The following ZNF292 variants were observed in gnomAD, a reference collection of about 807,000 sequenced individuals.
The protein encoded by ZNF292 is zinc finger protein 292, also known as 16 zinc-finger domain protein.
In ZNF292, 26 loss-of-function variants were observed where a neutral mutation model predicts 217.9. That is an observed-to-expected ratio of 0.12 (90% CI 0.09 to 0.17). The LOEUF is 0.17. Among genes scored for constraint, ZNF292 ranks in the 10% least tolerant of loss-of-function variants. The pLI is 1.00. For missense variants in ZNF292, 2,904 were observed against 3,175.2 expected (o/e 0.91, Z 2.05); for synonymous variants, 1,257 against 1,124.1 (o/e 1.12, Z -2.37).
intron 1 of ZNF292, among the ~76,000 whole-genome samples, chr6:87,161,827 T>G (rs1300988570): frequency 6.6e-6 from 1 of 152,244 alleles, no homozygotes; most frequent in Non-Finnish European, 1.5e-5. Flanking sequence ...AAACTTGATC[T>G]TTTTCCCATT....
intron 1 of ZNF292, chr6:87,173,899 T>G (rs1359189917): frequency 5.9e-6 from 1 of 170,736 alleles, no homozygotes; most frequent in Non-Finnish European, 1.3e-5. Context: ...TAAAATATTT[T>G]TGTACAAAAT....
intron 5 of ZNF292, among the ~76,000 whole-genome samples, chr6:87,239,637 C>T (rs377669675): frequency 1.5e-5 from 2 of 135,092 alleles, no homozygotes; most frequent in Non-Finnish European, 3.1e-5. Context: ...TCAGACGGGG[C>T]GGCTGCCGGG....
intron 1 of ZNF292, among the ~76,000 whole-genome samples, chr6:87,156,679 A>G (rs148583683): frequency 2.4e-4 from 36 of 152,334 alleles, no homozygotes; most frequent in African/African-American, 7.5e-4. Context: ...GGTAGTTTCA[A>G]ATCTTTTCTT....
In ZNF292 at chr6:87,245,621, C is replaced by A; in HGVS notation, c.997C>A (p.Leu333Met). 6.6e-7 allele frequency: 1 copy of A among 1,516,624 alleles called. No homozygotes were observed. The highest frequency in any genetic ancestry group is 9.0e-7 in the Non-Finnish European group (1 of 1,115,056). The allele number at this position is 1,516,624 out of a possible 1,614,324, so 93.9% of individuals were successfully genotyped here. A position where few individuals can be genotyped will look rare whatever the true frequency, so the allele number is the denominator to read the frequency against. ...LTKTVYHIFFLIKVINSETEG... is the reference protein window; with the variant it reads ...LTKTVYHIFFMIKVINSETEG... ...GAAAACAGTATATCACATTTTCTTCCTGATTAAAGTTATTAATTCAGAGGT... is the reference window on the plus strand; with the variant it reads ...GAAAACAGTATATCACATTTTCTTCATGATTAAAGTTATTAATTCAGAGGT... The change falls in exon 7 of 8, where the codon CTG becomes ATG. Residue 333 changes from leucine (L) to methionine (M), a missense_variant. By Grantham distance (15) the Leu-to-Met change is conservative. Around this residue, in one of 15 missense-constraint regions of ZNF292, gnomAD observed 313 missense variants for 451.0 expected, o/e 0.69. Transcript: ENST00000369577.
At chr6:87,176,366 C>A (rs1409553757) in intron 1 of ZNF292, among the ~76,000 whole-genome samples, 5 of 152,132 alleles carry the variant, frequency 3.3e-5, no homozygotes, top group African/African-American at 1.2e-4. Context: ...CTTAACAAGG[C>A]CTGTTTGTGC....
At chr6:87,216,180 G>GT (rs779701137) in intron 2 of ZNF292, 119 bp from the exon 3 acceptor site, 178 of 1,336,320 alleles carry the variant, frequency 1.3e-4, no homozygotes, top group Non-Finnish European at 1.6e-4. Context: ...AAGTCTTATA[G>GT]TTTAATTTTA....
rs916329765 is a variant in ZNF292 at position 87,244,682 on chromosome 6, A to G, written c.879-821A>G. ...AAGCCAGTAAATCAACTGGGAAATT[A>G]CTGTGGCACAGATTGGTTTCTTCTG... On this transcript the variant is annotated intron_variant, in intron 6 of 7. Coordinates refer to ENST00000369577, the MANE Select transcript of ZNF292 (RefSeq NM_015021.3). Among the ~76,000 whole-genome samples, 5 of 152,272 alleles carry G rather than the reference A, an allele frequency of 3.3e-5. No homozygotes were observed. The East Asian group carries it at 9.6e-4, about 29-fold the overall frequency.
Position 87,245,488 on chromosome 6 carries a change from C to CT in ZNF292, c.879-4dup, listed in dbSNP as rs747572624. On this transcript the variant is annotated splice_polypyrimidine_tract_variant and intron_variant, in intron 6 of 7. Transcript: ENST00000369577. Reference sequence around the variant, plus strand: ...ACTGCTCCAACTTTTCTTATTATAACTTTTTTTTTTTAAGGGAACTTACTC... The same window carrying CT: ...ACTGCTCCAACTTTTCTTATTATAACTTTTTTTTTTTTAAGGGAACTTACTC... The CT allele has an allele frequency of 0.038, 37,277 of 972,316 alleles. No individual in the cohort carries two copies. Among genetic ancestry groups the CT allele is most frequent in the South Asian group, 0.049 (2,321 of 47,188 alleles). 60.2% of individuals were successfully genotyped at this position (972,316 alleles called of 1,614,324 possible).
chr6:87,248,283 T>C (rs1774714923), intron 7 of ZNF292, among the ~76,000 whole-genome samples: 1 of 152,240 alleles, frequency 6.6e-6, no homozygotes. Context: ...CCTTTTAAAA[T>C]CTGTCATTGG....
At chr6:87,163,300 A>T (rs1437480479) in intron 1 of ZNF292, among the ~76,000 whole-genome samples, 1 of 152,046 alleles carries the variant, frequency 6.6e-6, no homozygotes, top group East Asian at 1.9e-4. Context: ...AAATACAAAA[A>T]ATTAGCCGGG....
At chr6:87,195,498 C>T (rs772373026) in intron 1 of ZNF292, among the ~76,000 whole-genome samples, 3 of 152,044 alleles carry the variant, frequency 2.0e-5, no homozygotes, top group Admixed American at 6.6e-5. Context: ...CCTTCATTTG[C>T]GTGGTGCACC....
At chr6:87,167,364 G>A (rs1770951955) in intron 1 of ZNF292, among the ~76,000 whole-genome samples, 1 of 152,208 alleles carries the variant, frequency 6.6e-6, no homozygotes, top group Admixed American at 6.5e-5. Context: ...TTTTAGGCCA[G>A]GTGCAGTGGC....
At position 87,216,131 on chromosome 6, in the gene ZNF292, A is replaced by G. The variant is rs1360235672; in HGVS notation, c.323+74A>G. On this transcript the variant is annotated intron_variant, in intron 2 of 7. Coordinates refer to ENST00000369577, the MANE Select transcript of ZNF292 (RefSeq NM_015021.3). ...TAGACACACACACACACACACACAC[A>G]CACACACACACACACACACACACAC... 1.0e-5 allele frequency: 9 copies of G among 899,904 alleles called. No individual in the cohort carries two copies. In the African/African-American group the frequency reaches 1.3e-4, roughly 13 times the overall value. The allele number at this position is 899,904 out of a possible 1,614,324, so 55.7% of individuals were successfully genotyped here.
In ZNF292 at chr6:87,259,667, A is replaced by G. The variant is rs781027189; in HGVS notation, c.6038A>G (p.Glu2013Gly). The G allele has an allele frequency of 6.3e-7, 1 of 1,590,972 alleles. No individual in the cohort carries two copies. Among genetic ancestry groups the G allele is most frequent in the Admixed American group, 1.8e-5 (1 of 56,098 alleles). Residue 2013 changes from glutamate to glycine, a missense_variant, in exon 8 of 8, where the codon GAG becomes GGG. Physicochemically the swap from Glu to Gly is moderately conservative, Grantham distance 98. Transcript: ENST00000369577. Reference protein sequence around the residue: ...TQVKKQLAMTEENKKESQPAL... With the variant: ...TQVKKQLAMTGENKKESQPAL... ...GTGAAAAAACAGCTAGCTATGACAG[A>G]GGAAAATAAAAAGGAATCTCAGCCT... is the stretch of plus-strand genomic sequence containing the variant.
In ZNF292 at chr6:87,261,517, A is replaced by C; in HGVS notation, c.7888A>C (p.Asn2630His). 1 of 1,607,616 alleles carries C rather than the reference A, an allele frequency of 6.2e-7. No individual in the cohort carries two copies. The highest frequency in any genetic ancestry group is 8.5e-7 in the Non-Finnish European group (1 of 1,176,572). The change falls in exon 8 of 8, where the codon AAT becomes CAT. Residue 2630 changes from asparagine (N) to histidine (H), a missense_variant. Physicochemically the swap from Asn to His is moderately conservative, Grantham distance 68. Coordinates refer to ENST00000369577, the MANE Select transcript of ZNF292 (RefSeq NM_015021.3). ...AGGATCCCATTCAAATTCAAGAAAA[A>C]ATATTGATAAGACTGCTGTGACTAG... Reference protein sequence around the residue: ...KKGSHSNSRKNIDKTAVTSGN... With the variant: ...KKGSHSNSRKHIDKTAVTSGN...
intron 1 of ZNF292, among the ~76,000 whole-genome samples, chr6:87,161,858 C>T (rs986605298): frequency 6.6e-6 from 1 of 152,204 alleles, no homozygotes; most frequent in Non-Finnish European, 1.5e-5. Context: ...AGTCTCATTT[C>T]CACAAAGACA....
intron 1 of ZNF292, among the ~76,000 whole-genome samples, chr6:87,188,864 A>G (rs566069688): frequency 1.3e-5 from 2 of 152,070 alleles, no homozygotes; most frequent in South Asian, 2.1e-4. Flanking sequence ...CAATGCAGAT[A>G]AATTATTATA....
chr6:87,177,408 T>G (rs1489749869), intron 1 of ZNF292, among the ~76,000 whole-genome samples: 1 of 152,214 alleles, frequency 6.6e-6, no homozygotes, highest in Non-Finnish European at 1.5e-5. Flanking sequence ...CCAAGTTTTG[T>G]CAATTTTATT....
intron 7 of ZNF292, among the ~76,000 whole-genome samples, chr6:87,253,383 C>G (rs1775038208): frequency 6.6e-6 from 1 of 151,850 alleles, no homozygotes; most frequent in Non-Finnish European, 1.5e-5. Context: ...TGCATACCAC[C>G]ACACCTGGCT....
Sources: allele counts gnomAD v4.1 joint callset (sites outside exome capture counted in the v4.1 genomes callset), GRCh38; gene constraint gnomAD v4.1.1; regional missense constraint gnomAD v4.1.1; transcripts MANE v1.5; gene names NCBI Gene and HGNC (gene_info 2026-07-23, HGNC 2026-07-21).